MMP26: variants seen among roughly 807,000 people sequenced by gnomAD.
MMP26 encodes matrix metallopeptidase 26, also known as matrix metalloproteinase-26.
Under a neutral mutation model 31.0 loss-of-function variants are expected in MMP26, and 33 were observed. The observed-to-expected ratio is 1.06, with a 90% CI of 0.81 to 1.42. MMP26 has a LOEUF of 1.42. Among genes scored for constraint, MMP26 ranks in the 40% most tolerant of loss-of-function variants. The pLI is 0.00. For synonymous variants in MMP26, 122 were observed against 114.9 expected (o/e 1.06, Z -0.40); for missense variants, 347 against 316.1 (o/e 1.10, Z -0.74).
chr11:4,965,557 T>C (rs1846581557), intron 2 of MMP26, among the ~76,000 whole-genome samples: 1 of 152,224 alleles, frequency 6.6e-6, no homozygotes, highest in Admixed American at 6.5e-5. Context: ...GTGGTCAATA[T>C]TAATCTTTCT....
chr11:4,802,878 G>T (rs1240888983), intron 2 of MMP26, among the ~76,000 whole-genome samples: 3 of 151,958 alleles, frequency 2.0e-5, no homozygotes, highest in African/African-American at 7.2e-5. Context: ...TAGTTAAATG[G>T]CACCTGATAT....
chr11:4,743,198 C>T (rs1009489776), intron 1 of MMP26, among the ~76,000 whole-genome samples: 7 of 152,108 alleles, frequency 4.6e-5, no homozygotes, highest in Non-Finnish European at 1.0e-4. Flanking sequence ...CTGTCACTGT[C>T]CCCTGGCTCT....
chr11:4,810,748 C>T (rs1406136625), intron 2 of MMP26, among the ~76,000 whole-genome samples: 1 of 152,182 alleles, frequency 6.6e-6, no homozygotes, highest in Non-Finnish European at 1.5e-5. Context: ...CTTTGTTAGG[C>T]CGGAAGGCCC....
chr11:4,732,791 G>T, intron 1 of MMP26, among the ~76,000 whole-genome samples: 1 of 152,178 alleles, frequency 6.6e-6, no homozygotes, highest in Admixed American at 6.5e-5. Context: ...GCAAGTATTA[G>T]TACTTCAGTC....
chr11:4,734,680 T>C (rs1333856678), intron 1 of MMP26, among the ~76,000 whole-genome samples: 1 of 151,748 alleles, frequency 6.6e-6, no homozygotes, highest in African/African-American at 2.4e-5. Flanking sequence ...TTTTCACATA[T>C]TTGTGAATTT....
At chr11:4,813,625 T>C (rs1849380584) in intron 2 of MMP26, among the ~76,000 whole-genome samples, 1 of 152,110 alleles carries the variant, frequency 6.6e-6, no homozygotes, top group Non-Finnish European at 1.5e-5. Context: ...AAAAACAAAG[T>C]GAAACTCACC....
At chr11:4,798,911 C>T (rs1849144639) in intron 2 of MMP26, among the ~76,000 whole-genome samples, 1 of 152,102 alleles carries the variant, frequency 6.6e-6, no homozygotes, top group Non-Finnish European at 1.5e-5. Context: ...TACTCTAAAA[C>T]GGAGCCCTGA....
chr11:4,888,641 T>C (rs1342843633), intron 2 of MMP26, among the ~76,000 whole-genome samples: 1 of 152,106 alleles, frequency 6.6e-6, no homozygotes, highest in African/African-American at 2.4e-5. Context: ...TGCCGTAACA[T>C]AGAAAAAAAT....
At chr11:4,933,296 C>T (rs145725865) in intron 2 of MMP26, among the ~76,000 whole-genome samples, 75 of 152,118 alleles carry the variant, frequency 4.9e-4, no homozygotes, top group African/African-American at 1.7e-3. Context: ...ATGGGCTACT[C>T]GATGTGCTCG....
chr11:4,986,719 G>A (rs1846895749), intron 2 of MMP26, among the ~76,000 whole-genome samples: 2 of 150,954 alleles, frequency 1.3e-5, no homozygotes, highest in Admixed American at 6.6e-5. Context: ...TTTTAGTAGA[G>A]ACGGGGTTTC....
At chr11:4,971,310 A>G (rs191729637) in intron 2 of MMP26, among the ~76,000 whole-genome samples, 1 of 152,266 alleles carries the variant, frequency 6.6e-6, no homozygotes, top group Non-Finnish European at 1.5e-5. Context: ...TAAGAATCAA[A>G]TCTGTCCTTA....
At chr11:4,821,288 A>G in intron 2 of MMP26, 1 of 1,040,650 alleles carries the variant, frequency 9.6e-7, no homozygotes, top group Non-Finnish European at 1.4e-6. Context: ...TAAAAAGAAA[A>G]TTCAAGTTCT....
chr11:4,854,009 G>C lies in MMP26; in HGVS notation c.-145+86668G>C, dbSNP rs1182135449. Reference sequence around the variant, plus strand: ...TCAACTAATACACATTAGAAAAAAGGACAAAAATTGCATGGTCATCTCAAT... The same window carrying C: ...TCAACTAATACACATTAGAAAAAAGCACAAAAATTGCATGGTCATCTCAAT... On this transcript the variant is annotated intron_variant, in intron 2 of 7. Coordinates refer to ENST00000380390, the MANE Select transcript of MMP26 (RefSeq NM_021801.5). Among the ~76,000 whole-genome samples, 3 of 152,186 alleles carry C rather than the reference G, an allele frequency of 2.0e-5. 1 individual carries two copies. Among genetic ancestry groups the C allele is most frequent in the Non-Finnish European group, 4.4e-5 (3 of 68,022 alleles).
intron 1 of MMP26, among the ~76,000 whole-genome samples, chr11:4,755,278 G>A (rs1020471449): frequency 3.9e-5 from 6 of 151,900 alleles, no homozygotes; most frequent in Middle Eastern, 3.2e-3. Context: ...AAAACTGATG[G>A]ATATTCTAAA....
In MMP26 at chr11:4,813,755, A is replaced by G. The variant is rs144946661; in HGVS notation, c.-145+46414A>G. On this transcript the variant is annotated intron_variant, in intron 2 of 7. Coordinates refer to ENST00000380390, the MANE Select transcript of MMP26 (RefSeq NM_021801.5). ...ATTTTTATGAACTCAGGGAAAGCAGATTTCTTATACAGGACACAAAAGTCA... is the reference window on the plus strand; with the variant it reads ...ATTTTTATGAACTCAGGGAAAGCAGGTTTCTTATACAGGACACAAAAGTCA... 6.9e-3 allele frequency among the ~76,000 whole-genome samples: 1,050 copies of G among 152,288 alleles called. 3 individuals carry two copies. Among genetic ancestry groups the G allele is most frequent in the African/African-American group, 0.024 (1,004 of 41,556 alleles).
chr11:4,803,421 C>A lies in MMP26; in HGVS notation c.-145+36080C>A, dbSNP rs769390688. On this transcript the variant is annotated intron_variant, in intron 2 of 7. Transcript: ENST00000380390. The stretch of plus-strand genomic sequence containing the variant: ...GGGCAATGTAAGTGATGGGGATACA[C>A]TGACCCTTTGCTCAGGGGATGTTTC... The A allele has an allele frequency of 3.2e-6, 5 of 1,551,902 alleles. No individual in the cohort carries two copies. In the African/African-American group the frequency reaches 6.8e-5, roughly 21 times the overall value.
intron 5 of MMP26, among the ~76,000 whole-genome samples, chr11:4,991,156 G>T: frequency 6.6e-6 from 1 of 152,154 alleles, no homozygotes; most frequent in Middle Eastern, 3.2e-3. Flanking sequence ...CTCAGTGTCT[G>T]CCATCTGTCT....
intron 2 of MMP26, among the ~76,000 whole-genome samples, chr11:4,836,762 C>T (rs573957847): frequency 1.4e-4 from 20 of 145,332 alleles, no homozygotes; most frequent in East Asian, 8.1e-4. Flanking sequence ...CAGGTTCAAG[C>T]GATTTTCCTG....
chr11:4,804,361 T>A lies in MMP26; in HGVS notation c.-145+37020T>A, dbSNP rs1490428057. On this transcript the variant is annotated intron_variant, in intron 2 of 7. Coordinates refer to ENST00000380390, the MANE Select transcript of MMP26 (RefSeq NM_021801.5). ...GAAGGACACAGGATGAGAAGAGCTG[T>A]TCCCTGAAGCCAGCACCATGGACTG... The A allele has an allele frequency of 5.0e-6, 8 of 1,614,096 alleles. No homozygotes were observed. In the East Asian group the frequency reaches 1.8e-4, roughly 36 times the overall value.
Sources: gnomAD v4.1 joint callset for allele counts (sites outside exome capture counted in the v4.1 genomes callset) on GRCh38, gnomAD v4.1.1 for gene constraint, MANE v1.5 for transcripts, NCBI Gene and HGNC (gene_info 2026-07-23, HGNC 2026-07-21) for gene names.